The following SEMA3C variants were observed in gnomAD, a reference collection of about 807,000 sequenced individuals.
The protein encoded by SEMA3C is semaphorin 3C.
Under a neutral mutation model 89.4 loss-of-function variants are expected in SEMA3C, and 47 were observed. That is an observed-to-expected ratio of 0.53 (90% CI 0.42 to 0.67). The LOEUF (loss-of-function observed/expected upper bound fraction) is 0.67, where lower values mean the gene tolerates loss of function less well. Among genes scored for constraint, SEMA3C ranks in the 30% least tolerant of loss-of-function variants. The probability of loss-of-function intolerance (pLI) is 0.00; values close to 1 mark genes in which losing one functional copy is unlikely to be tolerated. For missense variants in SEMA3C, 839 were observed against 929.1 expected (o/e 0.90, Z 1.26); for synonymous variants, 310 against 320.2 (o/e 0.97, Z 0.34).
In SEMA3C at chr7:80,877,771, A is replaced by G. The variant is rs1186810657; in HGVS notation, c.103+38908T>C. ...GGTAAGAAAATTGATTGTAATAAGG[A>G]TTTTATATTTTTAATTTTTTTTTCA... is the stretch of plus-strand genomic sequence containing the variant. On this transcript the variant is annotated intron_variant, in intron 2 of 17. Transcript: ENST00000265361. Among the ~76,000 whole-genome samples, 4 of 152,082 alleles carry G rather than the reference A, an allele frequency of 2.6e-5. No homozygotes were observed. The East Asian group carries it at 7.7e-4, about 29-fold the overall frequency.
At position 80,840,547 on chromosome 7, in the gene SEMA3C, C is replaced by A. The variant is rs371713476; in HGVS notation, c.104-11802G>T. On this transcript the variant is annotated intron_variant, in intron 2 of 17. Coordinates refer to ENST00000265361, the MANE Select transcript of SEMA3C (RefSeq NM_006379.5). ...AAAAAAAAAAAAAAAAAAAAAAGAG[C>A]GAGAGAGAGAGAGCGCGATGGTAAA... Among the ~76,000 whole-genome samples the A allele has an allele frequency of 8.5e-5, 12 of 141,010 alleles. No individual in the cohort carries two copies. The East Asian group carries it at 2.2e-3, about 26-fold the overall frequency. The allele number at this position is 141,010 out of a possible 152,430, so 92.5% of individuals were successfully genotyped here. A position where few individuals can be genotyped will look rare whatever the true frequency, so the allele number is the denominator to read the frequency against.
In SEMA3C at chr7:80,804,261, G is replaced by T. The variant is rs1194697629; in HGVS notation, c.659-13C>A. ...ACAAACATAGGTTCTAGAAAAAAAG[G>T]TAAAAGACTAGGTATATATTCATTA... On this transcript the variant is annotated splice_polypyrimidine_tract_variant and intron_variant, in intron 7 of 17. Coordinates refer to ENST00000265361, the MANE Select transcript of SEMA3C (RefSeq NM_006379.5). 6.4e-7 allele frequency: 1 copy of T among 1,574,580 alleles called. No individual in the cohort carries two copies.
intron 12 of SEMA3C, among the ~76,000 whole-genome samples, chr7:80,768,134 G>A (rs895467582): frequency 3.9e-5 from 6 of 152,184 alleles, no homozygotes; most frequent in Admixed American, 2.6e-4. Flanking sequence ...CAAAAAAAGT[G>A]AAAATAATAA....
intron 12 of SEMA3C, among the ~76,000 whole-genome samples, chr7:80,780,917 T>G (rs1788678942): frequency 6.6e-6 from 1 of 152,148 alleles, no homozygotes; most frequent in Non-Finnish European, 1.5e-5. Flanking sequence ...CTTAGAGTTC[T>G]GTAAACTAGA....
intron 12 of SEMA3C, among the ~76,000 whole-genome samples, chr7:80,767,217 G>A (rs1482332061): frequency 1.3e-5 from 2 of 152,162 alleles, no homozygotes; most frequent in African/African-American, 4.8e-5. Context: ...AACTTAGGTT[G>A]CTGCAGACCC....
chr7:80,909,706 T>C (rs1425502427), intron 2 of SEMA3C, among the ~76,000 whole-genome samples: 2 of 152,136 alleles, frequency 1.3e-5, no homozygotes, highest in Non-Finnish European at 2.9e-5. Context: ...AATCCTGATG[T>C]ACATAGCACA....
At chr7:80,821,430 G>C (rs1358095417) in intron 4 of SEMA3C, among the ~76,000 whole-genome samples, 1 of 151,814 alleles carries the variant, frequency 6.6e-6, no homozygotes, top group Non-Finnish European at 1.5e-5. Context: ...TTTTTTTTGG[G>C]GGGGTGGGCG....
At chr7:80,874,558 C>A (rs1194931542) in intron 2 of SEMA3C, among the ~76,000 whole-genome samples, 1 of 151,816 alleles carries the variant, frequency 6.6e-6, no homozygotes, top group African/African-American at 2.4e-5. Context: ...CCTCCGCCTC[C>A]CAGGTTCAAG....
chr7:80,877,596 A>G (rs183790772), intron 2 of SEMA3C, among the ~76,000 whole-genome samples: 49 of 152,300 alleles, frequency 3.2e-4, no homozygotes, highest in African/African-American at 1.1e-3. Flanking sequence ...ACAGTATTTT[A>G]TCTACATTTC....
At chr7:80,894,952 T>C (rs1459409772) in intron 2 of SEMA3C, among the ~76,000 whole-genome samples, 1 of 152,168 alleles carries the variant, frequency 6.6e-6, no homozygotes, top group Non-Finnish European at 1.5e-5. Flanking sequence ...TCAGCTGTAA[T>C]ATAAGGGGCC....
chr7:80,798,163 CA>C lies in SEMA3C; in HGVS notation c.1059del (p.Phe353LeufsTer11). The C allele has an allele frequency of 1.2e-6, 2 of 1,607,484 alleles. No individual in the cohort carries two copies. The highest frequency in any genetic ancestry group is 1.7e-6 in the Non-Finnish European group (2 of 1,177,168). On this transcript the variant is annotated frameshift_variant, in exon 11 of 18. Coordinates refer to ENST00000265361, the MANE Select transcript of SEMA3C (RefSeq NM_006379.5). LOFTEE classifies it high-confidence loss of function. The part of the protein sequence containing the change: ...SDIQTVFNGP[F>X]AHKEGPNHQL... ...TGATGATTGGGCCCTTCTTTGTGGG[CA>C]AAAGGCCCATTAAACACAGTCTGTA...
chr7:80,918,314 C>T (rs1053390085), intron 1 of SEMA3C: 9 of 152,088 alleles, frequency 5.9e-5, no homozygotes, highest in Admixed American at 1.3e-4. Context: ...ATATGTTTCT[C>T]CCAAAAGTAC....
chr7:80,777,652 A>T (rs1051187980), intron 12 of SEMA3C, among the ~76,000 whole-genome samples: 4 of 152,186 alleles, frequency 2.6e-5, no homozygotes, highest in African/African-American at 7.2e-5. Context: ...AATGGTGACT[A>T]TGGGAATATC....
chr7:80,797,992 C>G, intron 11 of SEMA3C, 100 bp downstream of exon 11: 1 of 1,174,750 alleles, frequency 8.5e-7, no homozygotes, highest in African/African-American at 1.6e-5. Context: ...AGTGAGACTC[C>G]GTCTCAAAAA....
chr7:80,855,881 T>TA (rs1389534845), intron 2 of SEMA3C, among the ~76,000 whole-genome samples: 1 of 152,072 alleles, frequency 6.6e-6, no homozygotes, highest in Non-Finnish European at 1.5e-5. Context: ...TGCAGCTCTT[T>TA]AAAAAAATAA....
intron 2 of SEMA3C, among the ~76,000 whole-genome samples, chr7:80,870,701 T>C (rs1207701657): frequency 6.6e-6 from 1 of 152,160 alleles, no homozygotes; most frequent in African/African-American, 2.4e-5. Flanking sequence ...TTATATAACA[T>C]TGAACCAAAA....
intron 2 of SEMA3C, among the ~76,000 whole-genome samples, chr7:80,881,868 A>C (rs919748532): frequency 6.6e-6 from 1 of 152,180 alleles, no homozygotes; most frequent in Non-Finnish European, 1.5e-5. Context: ...AGTGTCATAA[A>C]AGGCTGAGGA....
Position 80,916,700 on chromosome 7 carries a change from T to A in SEMA3C, c.82A>T (p.Arg28Ter). 1 of 1,611,578 alleles carries A rather than the reference T, an allele frequency of 6.2e-7. No homozygotes were observed. Among genetic ancestry groups the A allele is most frequent in the Non-Finnish European group, 8.5e-7 (1 of 1,179,256 alleles). The change falls in exon 2 of 18, where the codon AGA (arginine) becomes TGA (stop). Residue 28 changes from arginine (R) to a stop codon, truncating the protein, a stop_gained. Transcript: ENST00000265361. LOFTEE classifies it high-confidence loss of function. The part of the protein sequence containing the change: ...CVKGSSQPQA[R>*]VYLTFDELRE... Reference sequence around the variant, plus strand: ...TTACCATCAAATGTTAAATAAACTCTTGCTTGGGGCTGGGAAGATCCTTTC... The same window carrying A: ...TTACCATCAAATGTTAAATAAACTCATGCTTGGGGCTGGGAAGATCCTTTC...
chr7:80,798,006 AC>A lies in SEMA3C; in HGVS notation c.1131+85del. The A allele has an allele frequency of 1.3e-5, 18 of 1,374,500 alleles. No individual in the cohort carries two copies. In the South Asian group the frequency reaches 2.4e-4, roughly 19 times the overall value. The allele number at this position is 1,374,500 out of a possible 1,614,324, so 85.1% of individuals were successfully genotyped here. A position where few individuals can be genotyped will look rare whatever the true frequency, so the allele number is the denominator to read the frequency against. ...GAGTGAGACTCCGTCTCAAAAAAAAACCCCAAAAAACCCCACAGATATTCAT... is the reference window on the plus strand; with the variant it reads ...GAGTGAGACTCCGTCTCAAAAAAAAACCCAAAAAACCCCACAGATATTCAT... On this transcript the variant is annotated intron_variant, in intron 11 of 17. Coordinates refer to ENST00000265361, the MANE Select transcript of SEMA3C (RefSeq NM_006379.5).
Sources: gnomAD v4.1 joint callset for allele counts (sites outside exome capture counted in the v4.1 genomes callset) on GRCh38, gnomAD v4.1.1 for gene constraint, MANE v1.5 for transcripts, NCBI Gene and HGNC (gene_info 2026-07-23, HGNC 2026-07-21) for gene names.